The following XRCC6 variants were observed in gnomAD, a reference collection of about 807,000 sequenced individuals.
XRCC6 encodes the protein DNA repair protein Ku70.
In XRCC6, 5 loss-of-function variants were observed where a neutral mutation model predicts 65.7. The observed-to-expected ratio is 0.08, with a 90% CI of 0.04 to 0.16. XRCC6 has a LOEUF of 0.16. Among genes scored for constraint, XRCC6 ranks in the 10% least tolerant of loss-of-function variants. The pLI is 1.00. For synonymous variants in XRCC6, 270 were observed against 270.6 expected (o/e 1.00, Z 0.02); for missense variants, 447 against 738.1 (o/e 0.61, Z 4.57).
At chr22:41,655,666 T>C (rs888193176) in intron 9 of XRCC6, among the ~76,000 whole-genome samples, 1 of 150,568 alleles carries the variant, frequency 6.6e-6, no homozygotes, top group African/African-American at 2.4e-5. Context: ...GCCACTGCAC[T>C]CCAGCCTGGG....
Position 41,628,071 on chromosome 22 carries a change from A to G in XRCC6, c.83-47A>G, listed in dbSNP as rs754536145. ...CTTTATTTATCTTATATGGTAAACA[A>G]ATACGAAAACAAGGACAAACATTTT... On this transcript the variant is annotated intron_variant, in intron 2 of 12. Coordinates refer to ENST00000360079, the MANE Select transcript of XRCC6 (RefSeq NM_001469.5). The G allele has an allele frequency of 2.2e-6, 3 of 1,344,892 alleles. No homozygotes were observed. The Admixed American group carries it at 5.8e-5, about 26-fold the overall frequency. 83.3% of individuals were successfully genotyped at this position (1,344,892 alleles called of 1,614,324 possible).
chr22:41,651,554 G>C (rs1358380784), intron 8 of XRCC6, among the ~76,000 whole-genome samples: 1 of 148,366 alleles, frequency 6.7e-6, no homozygotes, highest in Admixed American at 6.7e-5. Flanking sequence ...TTGAGACAGT[G>C]TCTCACCCTG....
At position 41,663,801 on chromosome 22, in the gene XRCC6, C is replaced by T. The variant is rs2068122311; in HGVS notation, c.1816C>T (p.His606Tyr). 1 of 1,613,382 alleles carries T rather than the reference C, an allele frequency of 6.2e-7. No individual in the cohort carries two copies. The highest frequency in any genetic ancestry group is 1.3e-5 in the African/African-American group (1 of 75,048). ...GGAGCTGCTGGAAGCCCTCACCAAG[C>T]ACTTCCAGGACTGACCAGAGGCCGC... ...KQELLEALTK[H>Y]FQD The change falls in exon 13 of 13, where the codon CAC (histidine) becomes TAC (tyrosine). Residue 606 changes from histidine to tyrosine, a missense_variant. This residue lies in a region of XRCC6 where 201 missense variants were observed against 374.1 expected (regional missense o/e 0.54). Coordinates refer to ENST00000360079, the MANE Select transcript of XRCC6 (RefSeq NM_001469.5).
chr22:41,635,701 T>A (rs1438362634), intron 3 of XRCC6, among the ~76,000 whole-genome samples: 1 of 71,434 alleles, frequency 1.4e-5, no homozygotes, highest in Non-Finnish European at 4.4e-5. Flanking sequence ...GCCCAGCTAA[T>A]TTTTTTGTTT....
intron 6 of XRCC6, among the ~76,000 whole-genome samples, chr22:41,642,472 C>T (rs940504625): frequency 1.3e-5 from 2 of 152,048 alleles, no homozygotes; most frequent in African/African-American, 4.8e-5. Flanking sequence ...CCTATTTGTC[C>T]GTTTTTGCTT....
chr22:41,626,135 G>A (rs2147065101), intron 2 of XRCC6, among the ~76,000 whole-genome samples: 1 of 150,832 alleles, frequency 6.6e-6, no homozygotes, highest in East Asian at 2.0e-4. Flanking sequence ...ACCGTGCTTG[G>A]CCATTTATTT....
chr22:41,636,480 A>AT, intron 4 of XRCC6, 36 bp from the exon 5 acceptor site: 8 of 1,606,886 alleles, frequency 5.0e-6, no homozygotes, highest in Non-Finnish European at 6.8e-6. Context: ...CATTCTTCTG[A>AT]TTTTTCTTTC....
At chr22:41,641,670 T>C (rs2067879207) in intron 6 of XRCC6, among the ~76,000 whole-genome samples, 1 of 152,216 alleles carries the variant, frequency 6.6e-6, no homozygotes, top group East Asian at 1.9e-4. Flanking sequence ...ATTGCTTTAC[T>C]TTTTATCTCC....
chr22:41,651,484 C>T (rs1601551427), intron 8 of XRCC6, among the ~76,000 whole-genome samples: 2 of 127,322 alleles, frequency 1.6e-5, no homozygotes, highest in South Asian at 2.9e-4. Context: ...ATCTGCCTCC[C>T]GGGTGAGGAC....
Position 41,628,219 on chromosome 22 carries a change from A to C in XRCC6, c.184A>C (p.Met62Leu). 1 of 1,612,446 alleles carries C rather than the reference A, an allele frequency of 6.2e-7. No individual in the cohort carries two copies. ...QSEDELTPFD[M>L]SIQCIQSVYI... The stretch of plus-strand genomic sequence containing the variant: ...TGAAGATGAGTTGACACCTTTTGAC[A>C]TGAGCATCCAGGTAAGACTACCTTT... The change falls in exon 3 of 13, where the codon ATG becomes CTG. Residue 62 changes from methionine to leucine, a missense_variant. Met to Leu is a conservative substitution (Grantham distance 15). Transcript: ENST00000360079.
At position 41,649,164 on chromosome 22, in the gene XRCC6, G is replaced by A. The variant is rs1017214905; in HGVS notation, c.961-1559G>A. On this transcript the variant is annotated intron_variant, in intron 7 of 12. Transcript: ENST00000360079. ...AATATATATATATATATATATATAT[G>A]TATGTATGTGTGTGTGTATATATAT... Among the ~76,000 whole-genome samples the A allele has an allele frequency of 3.7e-3, 390 of 106,148 alleles. 1 individual carries two copies. The highest frequency in any genetic ancestry group is 6.0e-3 in the Admixed American group (47 of 7,826). 69.6% of individuals were successfully genotyped at this position (106,148 alleles called of 152,430 possible).
chr22:41,640,772 T>C (rs2147091357), intron 6 of XRCC6, among the ~76,000 whole-genome samples: 1 of 152,328 alleles, frequency 6.6e-6, no homozygotes, highest in East Asian at 1.9e-4. Flanking sequence ...CTTGAAATGA[T>C]GCGATGTTGT....
intron 8 of XRCC6, 60 bp from the exon 9 acceptor site, chr22:41,653,469 A>AAAGAGAAG: frequency 6.7e-7 from 1 of 1,490,110 alleles, no homozygotes; most frequent in South Asian, 1.3e-5. Flanking sequence ...TTTAGGGCTA[A>AAAGAGAAG]AAGAGAAGAA....
intron 6 of XRCC6, among the ~76,000 whole-genome samples, chr22:41,638,551 C>T (rs148578745): frequency 2.9e-4 from 44 of 152,132 alleles, no homozygotes; most frequent in Admixed American, 7.2e-4. Flanking sequence ...TTTGGGATGC[C>T]GAGGCGGGTG....
At chr22:41,633,644 G>C (rs1373526031) in intron 3 of XRCC6, among the ~76,000 whole-genome samples, 1 of 152,112 alleles carries the variant, frequency 6.6e-6, no homozygotes, top group Non-Finnish European at 1.5e-5. Context: ...GCCTCCCAAA[G>C]TGCTGGGATT....
At position 41,657,004 on chromosome 22, in the gene XRCC6, A is replaced by G. The variant is rs754968679; in HGVS notation, c.1393A>G (p.Ile465Val). Residue 465 changes from isoleucine to valine, a missense_variant, in exon 10 of 13, where the codon ATC (isoleucine) becomes GTC (valine). Physicochemically the swap from Ile to Val is conservative, Grantham distance 29 (BLOSUM62 3). This residue lies in a region of XRCC6 where 201 missense variants were observed against 374.1 expected (regional missense o/e 0.54). Transcript: ENST00000360079. ...AGAGCAGGTGGGCAAGATGAAGGCT[A>G]TCGTTGAGAAGCTTCGCTTCACATA... The part of the protein sequence containing the change: ...TPEQVGKMKA[I>V]VEKLRFTYRS... The G allele has an allele frequency of 5.0e-6, 8 of 1,598,538 alleles. No homozygotes were observed. The highest frequency in any genetic ancestry group is 1.1e-5 in the South Asian group (1 of 88,186).
chr22:41,622,384 C>T (rs2067618379), intron 2 of XRCC6, among the ~76,000 whole-genome samples: 1 of 152,122 alleles, frequency 6.6e-6, no homozygotes, highest in Non-Finnish European at 1.5e-5. Flanking sequence ...AGACCCTTCT[C>T]ATCCAGGAAA....
At chr22:41,624,295 C>T (rs1009736678) in intron 2 of XRCC6, among the ~76,000 whole-genome samples, 12 of 151,676 alleles carry the variant, frequency 7.9e-5, no homozygotes, top group Non-Finnish European at 1.5e-4. Flanking sequence ...GGCTGAGGCA[C>T]GAGAATTGCT....
chr22:41,636,568 A>G lies in XRCC6; in HGVS notation c.387A>G (p.Lys129=). 1 of 1,614,018 alleles carries G rather than the reference A, an allele frequency of 6.2e-7. No homozygotes were observed. The highest frequency in any genetic ancestry group is 8.5e-7 in the Non-Finnish European group (1 of 1,179,896). The change falls in exon 5 of 13, where the codon AAA becomes AAG. Residue 129 remains lysine (K), a synonymous_variant. Transcript: ENST00000360079. Reference sequence around the variant, plus strand: ...AGTTTAAGGGGCAGCAGGGACAAAAACGTTTCCAAGACATGATGGGCCACG... The same window carrying G: ...AGTTTAAGGGGCAGCAGGGACAAAAGCGTTTCCAAGACATGATGGGCCACG... The part of the protein sequence containing the change: ...LDQFKGQQGQ[K]RFQDMMGHGS...
Sources: allele counts gnomAD v4.1 joint callset (sites outside exome capture counted in the v4.1 genomes callset), GRCh38; gene constraint gnomAD v4.1.1; regional missense constraint gnomAD v4.1.1; transcripts MANE v1.5; gene names NCBI Gene and HGNC (gene_info 2026-07-23, HGNC 2026-07-21).